The following GABRA1 variants were observed in gnomAD, a reference collection of about 807,000 sequenced individuals.
GABRA1 encodes the protein gamma-aminobutyric acid receptor subunit alpha-1.
In GABRA1, 9 loss-of-function variants were observed where a neutral mutation model predicts 48.9. That is an observed-to-expected ratio of 0.18 (90% CI 0.11 to 0.32). GABRA1 has a LOEUF of 0.32. Ranked by LOEUF, GABRA1 falls within the 10% of genes least tolerant of loss-of-function variation. GABRA1 has a pLI of 1.00. For missense variants in GABRA1, 285 were observed against 553.8 expected (o/e 0.51, Z 4.87); for synonymous variants, 210 against 198.7 (o/e 1.06, Z -0.48).
intron 6 of GABRA1, among the ~76,000 whole-genome samples, chr5:161,879,286 A>C (rs1754504978): frequency 6.6e-6 from 1 of 151,998 alleles, no homozygotes. Flanking sequence ...TTTTCAAATA[A>C]ATTTTTGTAG....
In GABRA1 at chr5:161,854,233, A is replaced by G. The variant is rs1006797468; in HGVS notation, c.150A>G (p.Leu50=). 2.5e-6 allele frequency: 4 copies of G among 1,607,078 alleles called. No homozygotes were observed. The highest frequency in any genetic ancestry group is 1.1e-5 in the South Asian group (1 of 90,946). ...TVFTRILDRL[L]DGYDNRLRPG... ...TCACCAGGATTTTGGACAGACTCCT[A>G]GATGGTTATGACAATCGCCTGAGAC... Residue 50 remains leucine, a synonymous_variant, in exon 3 of 10, where the codon CTA becomes CTG. Coordinates refer to ENST00000393943, the MANE Select transcript of GABRA1 (RefSeq NM_001127644.2).
chr5:161,877,114 T>C (rs184913355), intron 6 of GABRA1, among the ~76,000 whole-genome samples: 2 of 152,206 alleles, frequency 1.3e-5, no homozygotes, highest in East Asian at 3.9e-4. Context: ...TGTAACTTTT[T>C]TGTATGGTTG....
At chr5:161,872,416 C>T (rs1019468019) in intron 4 of GABRA1, 3 of 152,710 alleles carry the variant, frequency 2.0e-5, no homozygotes, top group Non-Finnish European at 4.4e-5. Context: ...GGCTTATACA[C>T]ATGTACAATC....
At chr5:161,895,964 C>A in intron 9 of GABRA1, 96 bp downstream of exon 9, 1 of 1,007,378 alleles carries the variant, frequency 9.9e-7, no homozygotes, top group South Asian at 1.3e-5. Context: ...ATGGAGTATG[C>A]AGAATAATAA....
rs1171920979 is a variant in GABRA1 at position 161,899,372 on chromosome 5, T to C, written c.*1950T>C. The C allele has an allele frequency of 2.6e-5, 4 of 152,594 alleles. No homozygotes were observed. Among genetic ancestry groups the C allele is most frequent in the African/African-American group, 9.6e-5 (4 of 41,466 alleles). 9.5% of individuals were successfully genotyped at this position (152,594 alleles called of 1,614,324 possible). On this transcript the variant is annotated 3_prime_UTR_variant, in exon 10 of 10. Transcript: ENST00000393943. ...TTCATCCACCAATATCATGTGTAGA[T>C]ATTATGTATAGAAAATAAAATAAAT...
intron 3 of GABRA1, among the ~76,000 whole-genome samples, chr5:161,862,559 T>C (rs1427178086): frequency 6.6e-6 from 1 of 151,902 alleles, no homozygotes; most frequent in Non-Finnish European, 1.5e-5. Context: ...TGTTTTTGCA[T>C]AACTCTGTAG....
At chr5:161,855,892 C>A (rs1757626691) in intron 3 of GABRA1, among the ~76,000 whole-genome samples, 1 of 151,234 alleles carries the variant, frequency 6.6e-6, no homozygotes, top group South Asian at 2.1e-4. Flanking sequence ...TTAGAAAATT[C>A]TATTTAATAT....
At chr5:161,854,086 G>A in intron 2 of GABRA1, 72 bp from the exon 3 acceptor site, 1 of 769,904 alleles carries the variant, frequency 1.3e-6, no homozygotes, top group South Asian at 1.7e-5. Context: ...AACTGAGAAA[G>A]GATTTATTTG....
intron 6 of GABRA1, among the ~76,000 whole-genome samples, chr5:161,879,877 G>A (rs1561578744): frequency 2.0e-5 from 3 of 152,114 alleles, no homozygotes; most frequent in Non-Finnish European, 2.9e-5. Context: ...AACTATATTA[G>A]CAGCTCCGTA....
At chr5:161,893,358 TA>T in intron 8 of GABRA1, among the ~76,000 whole-genome samples, 1 of 152,276 alleles carries the variant, frequency 6.6e-6, no homozygotes, top group African/African-American at 2.4e-5. Flanking sequence ...TTAAGTTCAC[TA>T]GAATCACAAA....
chr5:161,885,928 A>G (rs1754824831), intron 7 of GABRA1, among the ~76,000 whole-genome samples: 1 of 152,172 alleles, frequency 6.6e-6, no homozygotes, highest in Non-Finnish European at 1.5e-5. Flanking sequence ...CTTGAAGAAG[A>G]GAGATGAAAG....
chr5:161,867,931 G>T (rs939700185), intron 4 of GABRA1, among the ~76,000 whole-genome samples: 2 of 151,380 alleles, frequency 1.3e-5, no homozygotes, highest in Non-Finnish European at 2.9e-5. Context: ...TTAAATTGTT[G>T]CCAAACCTGT....
chr5:161,897,263 A>C lies in GABRA1; in HGVS notation c.1212A>C (p.Thr404=), dbSNP rs776260370. The change falls in exon 10 of 10, where the codon ACA becomes ACC. Residue 404 remains threonine (T), a synonymous_variant. Transcript: ENST00000393943. ...TIEPKEVKPE[T]KPPEPKKTFN... is the part of the protein sequence containing the mutation. ...AACCTAAAGAGGTCAAGCCCGAAAC[A>C]AAACCACCAGAACCCAAGAAAACCT... 8 of 1,614,084 alleles carry C rather than the reference A, an allele frequency of 5.0e-6. No homozygotes were observed. Among genetic ancestry groups the C allele is most frequent in the Non-Finnish European group, 6.8e-6 (8 of 1,180,032 alleles).
chr5:161,847,762 G>A (rs1300527616), upstream of GABRA1: 2 of 152,124 alleles, frequency 1.3e-5, no homozygotes, highest in Non-Finnish European at 2.9e-5. Context: ...TCATATGCAG[G>A]CAGTGGTTTA....
At chr5:161,877,695 T>C (rs1754421148) in intron 6 of GABRA1, among the ~76,000 whole-genome samples, 1 of 152,204 alleles carries the variant, frequency 6.6e-6, no homozygotes, top group South Asian at 2.1e-4. Context: ...GGACACATTG[T>C]CAACCTGAAG....
intron 7 of GABRA1, among the ~76,000 whole-genome samples, chr5:161,890,168 A>G (rs1325327820): frequency 6.6e-6 from 1 of 152,028 alleles, no homozygotes; most frequent in Non-Finnish European, 1.5e-5. Flanking sequence ...GACCTTGGAG[A>G]GCACCTAACT....
chr5:161,860,717 T>G (rs145777654), intron 3 of GABRA1, among the ~76,000 whole-genome samples: 1 of 151,634 alleles, frequency 6.6e-6, no homozygotes, highest in Non-Finnish European at 1.5e-5. Flanking sequence ...TATGATGCAT[T>G]GCATGCTTGT....
At chr5:161,866,317 G>C (rs1001921447) in intron 4 of GABRA1, among the ~76,000 whole-genome samples, 5 of 152,060 alleles carry the variant, frequency 3.3e-5, no homozygotes, top group African/African-American at 9.7e-5. Context: ...GTATTATCCA[G>C]AGTGGAAATA....
At chr5:161,856,887 T>C (rs1444036044) in intron 3 of GABRA1, among the ~76,000 whole-genome samples, 1 of 151,318 alleles carries the variant, frequency 6.6e-6, no homozygotes, top group Admixed American at 6.6e-5. Context: ...GATAATACCA[T>C]GATAGCTGGC....
Sources: allele counts gnomAD v4.1 joint callset (sites outside exome capture counted in the v4.1 genomes callset), GRCh38; gene constraint gnomAD v4.1.1; transcripts MANE v1.5; gene names NCBI Gene and HGNC (gene_info 2026-07-23, HGNC 2026-07-21).